CCBE1: variants seen among roughly 807,000 people sequenced by gnomAD.
The protein encoded by CCBE1 is collagen and calcium binding EGF domains 1.
Under a neutral mutation model 50.0 loss-of-function variants are expected in CCBE1, and 37 were observed. That is an observed-to-expected ratio of 0.74 (90% CI 0.57 to 0.97). The LOEUF (loss-of-function observed/expected upper bound fraction) is 0.97. CCBE1 is among the 50% of genes least tolerant of loss of function. The pLI is 0.00. For missense variants in CCBE1, 538 were observed against 523.8 expected (o/e 1.03, Z -0.26); for synonymous variants, 234 against 203.7 (o/e 1.15, Z -1.27).
chr18:59,589,340 G>A (rs927628585), intron 2 of CCBE1, among the ~76,000 whole-genome samples: 2 of 152,074 alleles, frequency 1.3e-5, no homozygotes, highest in Non-Finnish European at 2.9e-5. Flanking sequence ...AAAGCAACAG[G>A]CCCATATGGT....
At chr18:59,477,630 A>G (rs1313620269) in intron 3 of CCBE1, among the ~76,000 whole-genome samples, 1 of 151,968 alleles carries the variant, frequency 6.6e-6, no homozygotes, top group Non-Finnish European at 1.5e-5. Flanking sequence ...CATAAGATGT[A>G]GTGACTTTAT....
chr18:59,624,564 C>A (rs1311711606), intron 2 of CCBE1, among the ~76,000 whole-genome samples: 1 of 152,120 alleles, frequency 6.6e-6, no homozygotes, highest in African/African-American at 2.4e-5. Context: ...GGCTGAAGGC[C>A]CAATGGAGTT....
chr18:59,636,367 A>T (rs996533649), intron 2 of CCBE1, among the ~76,000 whole-genome samples: 13 of 152,212 alleles, frequency 8.5e-5, no homozygotes, highest in African/African-American at 3.1e-4. Flanking sequence ...TTAACCGTAG[A>T]CCCTGCCTCA....
chr18:59,546,115 A>G lies in CCBE1; in HGVS notation c.213-65877T>C, dbSNP rs118005345. On this transcript the variant is annotated intron_variant, in intron 2 of 10. Coordinates refer to ENST00000439986, the MANE Select transcript of CCBE1 (RefSeq NM_133459.4). ...TCAATCTATTCTCTCACCAAAACGT[A>G]TGACATTCTTCTATAAGCTTAACAC... is the stretch of plus-strand genomic sequence containing the variant. Among the ~76,000 whole-genome samples the G allele has an allele frequency of 6.0e-3, 921 of 152,330 alleles. 4 individuals carry two copies. The highest frequency in any genetic ancestry group is 9.5e-3 in the Non-Finnish European group (649 of 68,030).
intron 2 of CCBE1, among the ~76,000 whole-genome samples, chr18:59,553,955 A>C (rs992701894): frequency 6.6e-6 from 1 of 152,224 alleles, no homozygotes. Flanking sequence ...TAACATCTGG[A>C]AGACAGGTCT....
intron 2 of CCBE1, among the ~76,000 whole-genome samples, chr18:59,681,223 T>A (rs984039512): frequency 1.3e-5 from 2 of 152,070 alleles, no homozygotes; most frequent in Admixed American, 6.6e-5. Context: ...AGCCAGCAAA[T>A]TTGCACATGA....
In CCBE1 at chr18:59,454,879, T is replaced by C; in HGVS notation, c.626A>G (p.Lys209Arg). Residue 209 changes from lysine (K) to arginine (R), a missense_variant, in exon 6 of 11, where the codon AAG becomes AGG. By Grantham distance (26) the Lys-to-Arg change is conservative. Coordinates refer to ENST00000439986, the MANE Select transcript of CCBE1 (RefSeq NM_133459.4). ...CATCKEFYQMKQTVLQLKQKI... is the reference protein window; with the variant it reads ...CATCKEFYQMRQTVLQLKQKI... ...TTGCTTCAGCTGCAGCACGGTCTGC[T>C]TCATCTGGTAGAACTCCTTGCATGT... 6.2e-7 allele frequency: 1 copy of C among 1,614,250 alleles called. No individual in the cohort carries two copies.
At chr18:59,647,849 T>C (rs2054075099) in intron 2 of CCBE1, among the ~76,000 whole-genome samples, 1 of 152,242 alleles carries the variant, frequency 6.6e-6, no homozygotes, top group African/African-American at 2.4e-5. Flanking sequence ...TAAAAATTTA[T>C]TTTAAAAAGT....
chr18:59,627,805 T>C (rs2564466), intron 2 of CCBE1, among the ~76,000 whole-genome samples: 16,412 of 152,262 alleles, frequency 0.11, 952 homozygotes, highest in East Asian at 0.15. Flanking sequence ...CCTTCAGAAC[T>C]ATGAGGATAC....
At position 59,655,925 on chromosome 18, in the gene CCBE1, T is replaced by C. The variant is rs146594742; in HGVS notation, c.212+40704A>G. ...GACAGAACACCACATTCCCTTTTCA[T>C]GAGCCTGACAGCAAGTCTAGGATGT... On this transcript the variant is annotated intron_variant, in intron 2 of 10. Transcript: ENST00000439986. 7.1e-3 allele frequency among the ~76,000 whole-genome samples: 1,080 copies of C among 152,338 alleles called. 7 individuals are homozygous for C. The highest frequency in any genetic ancestry group is 0.011 in the Non-Finnish European group (777 of 68,036).
intron 7 of CCBE1, among the ~76,000 whole-genome samples, 177 bp from the exon 8 acceptor site, chr18:59,439,993 C>A (rs1386484337): frequency 6.6e-6 from 1 of 152,252 alleles, no homozygotes; most frequent in Admixed American, 6.5e-5. Context: ...TCAAAAGCGG[C>A]TTCCCCATCT....
At chr18:59,550,919 G>T (rs976821512) in intron 2 of CCBE1, among the ~76,000 whole-genome samples, 1 of 147,266 alleles carries the variant, frequency 6.8e-6, no homozygotes, top group Non-Finnish European at 1.5e-5. Context: ...GCAGGAGAAT[G>T]GCATGAACCC....
At chr18:59,655,711 C>A (rs2054180058) in intron 2 of CCBE1, among the ~76,000 whole-genome samples, 1 of 152,228 alleles carries the variant, frequency 6.6e-6, no homozygotes, top group Admixed American at 6.5e-5. Flanking sequence ...AGAAAGAAGA[C>A]AATTCCATCA....
At chr18:59,614,328 AT>A (rs1235276502) in intron 2 of CCBE1, among the ~76,000 whole-genome samples, 1 of 152,194 alleles carries the variant, frequency 6.6e-6, no homozygotes, top group African/African-American at 2.4e-5. Context: ...TCTATTTTAA[AT>A]ATCAATATAT....
chr18:59,615,875 A>C (rs1410813816), intron 2 of CCBE1, among the ~76,000 whole-genome samples: 3 of 152,226 alleles, frequency 2.0e-5, no homozygotes, highest in Non-Finnish European at 4.4e-5. Context: ...GAAAGTAAGC[A>C]AGCACTCATA....
At chr18:59,578,105 G>A (rs1362251404) in intron 2 of CCBE1, among the ~76,000 whole-genome samples, 1 of 151,844 alleles carries the variant, frequency 6.6e-6, no homozygotes, top group Non-Finnish European at 1.5e-5. Flanking sequence ...GAACTGAAAT[G>A]TACAAGAAAA....
At chr18:59,655,542 C>T (rs565337464) in intron 2 of CCBE1, among the ~76,000 whole-genome samples, 56 of 152,338 alleles carry the variant, frequency 3.7e-4, no homozygotes, top group South Asian at 6.2e-4. Context: ...TTTTTACAGG[C>T]AATGAAGTCT....
intron 5 of CCBE1, among the ~76,000 whole-genome samples, chr18:59,457,628 T>C (rs148279063): frequency 6.9e-4 from 105 of 152,242 alleles, no homozygotes; most frequent in Non-Finnish European, 1.3e-3. Context: ...CCCAGAACCC[T>C]AGAATAACAG....
intron 2 of CCBE1, among the ~76,000 whole-genome samples, chr18:59,491,710 A>G (rs1357329102): frequency 1.3e-5 from 2 of 151,978 alleles, no homozygotes; most frequent in Non-Finnish European, 2.9e-5. Context: ...GCTACTCGGG[A>G]GGCTGAGGCA....
Sources: allele counts gnomAD v4.1 joint callset (sites outside exome capture counted in the v4.1 genomes callset), GRCh38; gene constraint gnomAD v4.1.1; transcripts MANE v1.5; gene names NCBI Gene and HGNC (gene_info 2026-07-23, HGNC 2026-07-21).